The following MTF1 variants were observed in gnomAD, a reference collection of about 807,000 sequenced individuals.
The protein encoded by MTF1 is MRE-binding transcription factor.
MTF1 carries 22 observed loss-of-function variants against 70.4 expected under a neutral mutation model. The observed-to-expected ratio is 0.31, with a 90% CI of 0.22 to 0.45. MTF1 has a LOEUF of 0.45. Ranked by LOEUF, MTF1 falls within the 20% of genes least tolerant of loss-of-function variation. The pLI, the probability that MTF1 is intolerant of heterozygous loss-of-function variation, is 1.00. For synonymous variants in MTF1, 333 were observed against 352.8 expected (o/e 0.94, Z 0.63); for missense variants, 649 against 922.0 (o/e 0.70, Z 3.83).
intron 2 of MTF1, among the ~76,000 whole-genome samples, chr1:37,855,699 G>A (rs1003394332): frequency 1.3e-5 from 2 of 152,146 alleles, no homozygotes; most frequent in African/African-American, 2.4e-5. Context: ...GTTCATGCCT[G>A]TAATCCCAGC....
Position 37,817,319 on chromosome 1 carries a change from G to T in MTF1, c.1831+100C>A, listed in dbSNP as rs960875181. On this transcript the variant is annotated intron_variant, in intron 10 of 10. Transcript: ENST00000373036. ...AAGAATTTAACTGAGGCTGTTTAAA[G>T]ATTTTTAAAGTTTTAGAAACTGGGA... 10 of 772,562 alleles carry T rather than the reference G, an allele frequency of 1.3e-5. No homozygotes were observed. The African/African-American group carries it at 1.6e-4, about 12-fold the overall frequency. 47.9% of individuals were successfully genotyped at this position (772,562 alleles called of 1,614,324 possible). A position where few individuals can be genotyped will look rare whatever the true frequency, so the allele number is the denominator to read the frequency against.
intron 1 of MTF1, chr1:37,858,428 A>C (rs537506300): frequency 1.3e-5 from 2 of 152,378 alleles, no homozygotes; most frequent in East Asian, 3.9e-4. Flanking sequence ...GAGGCAACAT[A>C]TGTAAAGCAC....
intron 2 of MTF1, among the ~76,000 whole-genome samples, chr1:37,849,307 T>C (rs1641379273): frequency 6.6e-6 from 1 of 152,020 alleles, no homozygotes. Flanking sequence ...ATGCCTGTAA[T>C]CCTGGCTACT....
At position 37,859,550 on chromosome 1, in the gene MTF1, G is replaced by T. The variant is rs1569899782; in HGVS notation, c.-71C>A. The stretch of plus-strand genomic sequence containing the variant: ...TTTTACCTCCGCGGCTCCCGGCAAC[G>T]GCGGCAGCAGCAGCTTCTCCCCTCC... On this transcript the variant is annotated 5_prime_UTR_variant, in exon 1 of 11. Coordinates refer to ENST00000373036, the MANE Select transcript of MTF1 (RefSeq NM_005955.3). The T allele has an allele frequency of 2.5e-6, 1 of 399,072 alleles. No individual in the cohort carries two copies. The highest frequency in any genetic ancestry group is 4.4e-6 in the Non-Finnish European group (1 of 226,434). 24.7% of individuals were successfully genotyped at this position (399,072 alleles called of 1,614,324 possible).
intron 2 of MTF1, among the ~76,000 whole-genome samples, chr1:37,854,314 A>T (rs572011696): frequency 1.6e-4 from 24 of 152,164 alleles, no homozygotes; most frequent in Admixed American, 7.2e-4. Flanking sequence ...CAGCCGGGAG[A>T]TATTCTTAAT....
At chr1:37,859,084 C>G (rs1232773645) in intron 1 of MTF1, among the ~76,000 whole-genome samples, 1 of 152,204 alleles carries the variant, frequency 6.6e-6, no homozygotes, top group Non-Finnish European at 1.5e-5. Flanking sequence ...CACAGATGTA[C>G]ATTTCGCTGC....
intron 7 of MTF1, among the ~76,000 whole-genome samples, chr1:37,824,629 C>T (rs1166273873): frequency 1.3e-5 from 2 of 152,056 alleles, no homozygotes; most frequent in Non-Finnish European, 2.9e-5. Context: ...ACCTGGGAGG[C>T]GGAGGTTGCA....
At chr1:37,834,592 A>G (rs1181778353) in intron 6 of MTF1, 1 of 455,742 alleles carries the variant, frequency 2.2e-6, no homozygotes, top group Non-Finnish European at 4.4e-6. Flanking sequence ...TCTATTGTGG[A>G]GTGGACAGAA....
intron 5 of MTF1, 75 bp from the exon 6 acceptor site, chr1:37,835,290 T>C (rs1557592861): frequency 8.0e-7 from 1 of 1,249,004 alleles, no homozygotes; most frequent in Non-Finnish European, 1.2e-6. Context: ...CTTTCCCTAA[T>C]AGAGGTAAGT....
intron 2 of MTF1, among the ~76,000 whole-genome samples, chr1:37,855,585 C>T (rs1366779059): frequency 6.6e-6 from 1 of 152,102 alleles, no homozygotes. Flanking sequence ...AATCATTCAC[C>T]CTATTTCTGT....
intron 2 of MTF1, among the ~76,000 whole-genome samples, chr1:37,856,499 CTTT>C (rs35260301): frequency 1.5e-4 from 18 of 122,690 alleles, no homozygotes; most frequent in Non-Finnish European, 1.5e-4. Context: ...GAATTTCTTT[CTTT>C]TTTTTTTTTT....
At chr1:37,835,426 G>C (rs1185646383) in intron 5 of MTF1, among the ~76,000 whole-genome samples, 1 of 152,152 alleles carries the variant, frequency 6.6e-6, no homozygotes, top group African/African-American at 2.4e-5. Flanking sequence ...GAAGTTTAAA[G>C]AGTAGATTTG....
chr1:37,822,417 C>G lies in MTF1; in HGVS notation c.1471G>C (p.Ala491Pro). The change falls in exon 9 of 11, where the codon GCA becomes CCA. Residue 491 changes from alanine (A) to proline (P), a missense_variant. Around this residue, in one of 7 missense-constraint regions of MTF1, gnomAD observed 267 missense variants for 292.1 expected, o/e 0.91. Transcript: ENST00000373036. ...AGTCCTGGTACAATGGGCTGCGGTG[C>G]CTGGGGGTGCGGAAGAAACTCTTGA... Reference protein sequence around the residue: ...NHQEFLPHPQAPQPIVPGLSV... With the variant: ...NHQEFLPHPQPPQPIVPGLSV... 5 of 1,614,112 alleles carry G rather than the reference C, an allele frequency of 3.1e-6. No individual in the cohort carries two copies. The highest frequency in any genetic ancestry group is 4.2e-6 in the Non-Finnish European group (5 of 1,180,022).
chr1:37,821,172 T>TATG, intron 9 of MTF1, among the ~76,000 whole-genome samples: 1 of 149,740 alleles, frequency 6.7e-6, no homozygotes, highest in South Asian at 2.1e-4. Flanking sequence ...CCTCAAAATA[T>TATG]ATAATAATAA....
At chr1:37,844,514 C>G (rs17732638) in intron 2 of MTF1, among the ~76,000 whole-genome samples, 3,432 of 152,204 alleles carry the variant, frequency 0.023, 63 homozygotes, top group Non-Finnish European at 0.034. Context: ...TTCTGACTTC[C>G]CATCAAGACT....
intron 7 of MTF1, among the ~76,000 whole-genome samples, chr1:37,828,869 C>T (rs1034996324): frequency 2.6e-5 from 4 of 152,162 alleles, no homozygotes; most frequent in Admixed American, 2.6e-4. Flanking sequence ...GAGCAAGGAG[C>T]AAAGAGCAAA....
intron 2 of MTF1, among the ~76,000 whole-genome samples, chr1:37,854,462 G>A (rs1641460771): frequency 6.6e-6 from 1 of 152,166 alleles, no homozygotes; most frequent in African/African-American, 2.4e-5. Context: ...GGGCTGTCCT[G>A]TGCACTGTAA....
chr1:37,836,816 A>G (rs1214582752), intron 4 of MTF1, among the ~76,000 whole-genome samples: 1 of 152,234 alleles, frequency 6.6e-6, no homozygotes, highest in African/African-American at 2.4e-5. Context: ...ATTTTTAATT[A>G]CATGCAATCA....
rs1168174028 is a variant in MTF1 at position 37,809,788 on chromosome 1, A to G, written c.*5348T>C. On this transcript the variant is annotated 3_prime_UTR_variant, in exon 11 of 11. Transcript: ENST00000373036. ...TTTGGAGGTTTCTTCCTTTGGAAGT[A>G]CTGAACCTGTAACGTTTTCACATCG... 6.5e-6 allele frequency: 1 copy of G among 152,698 alleles called. No individual in the cohort carries two copies. The highest frequency in any genetic ancestry group is 1.9e-4 in the East Asian group (1 of 5,196). The allele number at this position is 152,698 out of a possible 1,614,324, so 9.5% of individuals were successfully genotyped here.
Sources: gnomAD v4.1 joint callset for allele counts (sites outside exome capture counted in the v4.1 genomes callset) on GRCh38, gnomAD v4.1.1 for gene constraint, gnomAD v4.1.1 regional missense constraint, MANE v1.5 for transcripts, NCBI Gene and HGNC (gene_info 2026-07-23, HGNC 2026-07-21) for gene names.